HPSE: variants seen among roughly 807,000 people sequenced by gnomAD.
The protein encoded by HPSE is endo-glucoronidase.
In HPSE, 48 loss-of-function variants were observed where a neutral mutation model predicts 65.1. That is an observed-to-expected ratio of 0.74 (90% CI 0.58 to 0.94). The LOEUF is 0.94. Ranked by LOEUF, HPSE falls within the 40% of genes least tolerant of loss-of-function variation. The pLI is 0.00. For synonymous variants in HPSE, 243 were observed against 260.0 expected (o/e 0.93, Z 0.63); for missense variants, 644 against 637.5 (o/e 1.01, Z -0.11).
intron 9 of HPSE, among the ~76,000 whole-genome samples, chr4:83,303,223 A>G (rs998452931): frequency 2.6e-5 from 4 of 152,224 alleles, no homozygotes; most frequent in Non-Finnish European, 4.4e-5. Flanking sequence ...GGGACAGAGG[A>G]ACATGCTAAA....
rs541629052 is a variant in HPSE, at chr4:83,294,027, T to G, written c.*1317A>C. On this transcript the variant is annotated 3_prime_UTR_variant, in exon 12 of 12. Coordinates refer to ENST00000311412, the MANE Select transcript of HPSE (RefSeq NM_001098540.3). ...TTAAAACTCATAATATATCCTTCGC[T>G]TCCTTGCTTCCTGACCATATTAGGA... 2 of 152,320 alleles carry G rather than the reference T, an allele frequency of 1.3e-5. No individual in the cohort carries two copies. Among genetic ancestry groups the G allele is most frequent in the East Asian group, 3.9e-4 (2 of 5,184 alleles). 9.4% of individuals were successfully genotyped at this position (152,320 alleles called of 1,614,324 possible).
At chr4:83,300,371 A>C (rs1735892952) in intron 11 of HPSE, among the ~76,000 whole-genome samples, 1 of 152,228 alleles carries the variant, frequency 6.6e-6, no homozygotes, top group Admixed American at 6.5e-5. Flanking sequence ...GTTACCAAGA[A>C]TTATGTCTTT....
chr4:83,322,944 G>A (rs984184343), intron 1 of HPSE, among the ~76,000 whole-genome samples: 6 of 151,696 alleles, frequency 4.0e-5, no homozygotes, highest in African/African-American at 1.5e-4. Context: ...GAGATTACAG[G>A]CATGAGCCAC....
At chr4:83,305,854 C>A (rs879292118) in intron 9 of HPSE, among the ~76,000 whole-genome samples, 1 of 152,060 alleles carries the variant, frequency 6.6e-6, no homozygotes, top group Non-Finnish European at 1.5e-5. Flanking sequence ...TGAAGCTTTG[C>A]GTACTGTAGG....
Position 83,301,090 on chromosome 4 carries a change from C to T in HPSE, c.1342G>A (p.Gly448Arg), listed in dbSNP as rs768876779. ...TNTDNPRYKE[G>R]DLTLYAINLH... ...TTTATGGCATACAGAGTTAAATCTC[C>T]TTCTTTATACCTTGGACTAAAAGCA... Residue 448 changes from glycine (G) to arginine (R), a missense_variant, in exon 11 of 12, where the codon GGA (glycine) becomes AGA (arginine). Coordinates refer to ENST00000311412, the MANE Select transcript of HPSE (RefSeq NM_001098540.3). 3.8e-6 allele frequency: 6 copies of T among 1,590,396 alleles called. No individual in the cohort carries two copies. Among genetic ancestry groups the T allele is most frequent in the Non-Finnish European group, 5.1e-6 (6 of 1,169,118 alleles).
chr4:83,326,400 A>T lies in HPSE; in HGVS notation c.228-4036T>A, dbSNP rs551518959. Among the ~76,000 whole-genome samples the T allele has an allele frequency of 6.6e-6, 1 of 152,212 alleles. No individual in the cohort carries two copies. The highest frequency in any genetic ancestry group is 2.4e-5 in the African/African-American group (1 of 41,550). On this transcript the variant is annotated intron_variant, in intron 1 of 11. Coordinates refer to ENST00000311412, the MANE Select transcript of HPSE (RefSeq NM_001098540.3). The surrounding 1 kb of genome is among the most constrained non-coding windows in gnomAD (Gnocchi z 4.2). ...ATTGGATGTTGAGGAGGAGTCAAGG[A>T]TTACTCCTGGGAAGCTCCTTGGAAG...
At position 83,312,642 on chromosome 4, in the gene HPSE, C is replaced by T. The variant is rs1375055494; in HGVS notation, c.673+472G>A. ...GCAGTGAGCCGAGATGGCGCCACTGCACTCCAGCCTGGGCGACAGAGCGAG... is the reference window on the plus strand; with the variant it reads ...GCAGTGAGCCGAGATGGCGCCACTGTACTCCAGCCTGGGCGACAGAGCGAG... On this transcript the variant is annotated intron_variant, in intron 4 of 11. Transcript: ENST00000311412. Among the ~76,000 whole-genome samples the T allele has an allele frequency of 1.1e-4, 16 of 141,996 alleles. 1 individual carries two copies. The Admixed American group carries it at 1.2e-3, about 10-fold the overall frequency. 93.2% of individuals were successfully genotyped at this position (141,996 alleles called of 152,430 possible). A position where few individuals can be genotyped will look rare whatever the true frequency, so the allele number is the denominator to read the frequency against.
rs1735978573 is a variant in HPSE at position 83,302,239 on chromosome 4, T to A, written c.1236A>T (p.Lys412Asn). Residue 412 changes from lysine to asparagine, a missense_variant, in exon 10 of 12, where the codon AAA becomes AAT. By Grantham distance (94) the Lys-to-Asn change is moderately conservative (BLOSUM62 0). Coordinates refer to ENST00000311412, the MANE Select transcript of HPSE (RefSeq NM_001098540.3). ...CCATTAACACCTTGGTGCCCACCAA[T>A]TTCTTGAACAGAAGAGATAGCCAAT... ...PDYWLSLLFK[K>N]LVGTKVLMAS... The A allele has an allele frequency of 6.2e-7, 1 of 1,613,704 alleles. No individual in the cohort carries two copies. Among genetic ancestry groups the A allele is most frequent in the African/African-American group, 1.3e-5 (1 of 74,928 alleles).
Position 83,309,387 on chromosome 4 carries a change from TA to T in HPSE, c.984+14del. On this transcript the variant is annotated intron_variant, in intron 7 of 11. Transcript: ENST00000311412. The stretch of plus-strand genomic sequence containing the variant: ...GATTCTGGTTTTACATTAAAAAGTT[TA>T]AAAAGACTATTACCTGGAAAACTTT... 7.2e-7 allele frequency: 1 copy of T among 1,382,926 alleles called. No homozygotes were observed. 85.7% of individuals were successfully genotyped at this position (1,382,926 alleles called of 1,614,324 possible). A position where few individuals can be genotyped will look rare whatever the true frequency, so the allele number is the denominator to read the frequency against.
intron 1 of HPSE, among the ~76,000 whole-genome samples, chr4:83,323,307 C>T (rs558895633): frequency 1.3e-5 from 2 of 152,208 alleles, no homozygotes; most frequent in South Asian, 2.1e-4. Flanking sequence ...GTGAACCCTG[C>T]CGTGAACTAT....
At chr4:83,332,743 G>A (rs1182494443) in intron 1 of HPSE, among the ~76,000 whole-genome samples, 2 of 152,236 alleles carry the variant, frequency 1.3e-5, no homozygotes, top group Non-Finnish European at 2.9e-5. Flanking sequence ...ATCAGGCCCA[G>A]ATCCTGGAAG....
At position 83,334,802 on chromosome 4, in the gene HPSE, TC is replaced by T. The variant is rs763870860; in HGVS notation, c.-21del. The stretch of plus-strand genomic sequence containing the variant: ...CAGCATCTTGGGCTCACCTGGCTGC[TC>T]CCCCCGCCAGCTGCCGCGCAGCGGA... On this transcript the variant is annotated 5_prime_UTR_variant, in exon 1 of 12. Coordinates refer to ENST00000311412, the MANE Select transcript of HPSE (RefSeq NM_001098540.3). 1 of 1,492,148 alleles carries T rather than the reference TC, an allele frequency of 6.7e-7. No individual in the cohort carries two copies. Among genetic ancestry groups the T allele is most frequent in the Non-Finnish European group, 8.9e-7 (1 of 1,120,950 alleles). 92.4% of individuals were successfully genotyped at this position (1,492,148 alleles called of 1,614,324 possible).
intron 7 of HPSE, 116 bp from the exon 8 acceptor site, chr4:83,309,067 T>C: frequency 1.4e-6 from 1 of 713,830 alleles, no homozygotes; most frequent in African/African-American, 1.8e-5. Context: ...ACCCCTCCTA[T>C]ATAGTTATAA....
intron 11 of HPSE, among the ~76,000 whole-genome samples, chr4:83,296,590 G>A (rs528199548): frequency 4.3e-4 from 65 of 151,404 alleles, no homozygotes; most frequent in Non-Finnish European, 5.7e-4. Context: ...CATGAGAATC[G>A]TTTGAACCTG....
At chr4:83,307,622 G>A (rs1482418547) in intron 8 of HPSE, among the ~76,000 whole-genome samples, 1 of 152,114 alleles carries the variant, frequency 6.6e-6, no homozygotes, top group Non-Finnish European at 1.5e-5. Context: ...TGTAAAATAA[G>A]CAGAATTGCA....
At chr4:83,332,659 C>T (rs1474235082) in intron 1 of HPSE, among the ~76,000 whole-genome samples, 1 of 152,252 alleles carries the variant, frequency 6.6e-6, no homozygotes. Flanking sequence ...GTATCATCCT[C>T]ACTAAATTGC....
rs757650530 is a variant in HPSE, at chr4:83,310,055, A to C, written c.866T>G (p.Val289Gly). The change falls in exon 6 of 12, where the codon GTG becomes GGG. Residue 289 changes from valine (V) to glycine (G), a missense_variant. Transcript: ENST00000311412. ...CTGATGCCATGTAACTGAATCAATC[A>C]CTTCTCCACCAGCCTTCAGGAAGCT... Reference protein sequence around the residue: ...LKSFLKAGGEVIDSVTWHHYY... With the variant: ...LKSFLKAGGEGIDSVTWHHYY... 6.2e-7 allele frequency: 1 copy of C among 1,611,246 alleles called. No homozygotes were observed. Among genetic ancestry groups the C allele is most frequent in the East Asian group, 2.2e-5 (1 of 44,760 alleles).
At chr4:83,313,062 T>C in intron 4 of HPSE, 52 bp downstream of exon 4, 1 of 1,031,930 alleles carries the variant, frequency 9.7e-7, no homozygotes, top group Non-Finnish European at 1.4e-6. Context: ...AGAAAAGAAA[T>C]AATGCTAGTG....
chr4:83,319,226 G>A, intron 3 of HPSE, 118 bp downstream of exon 3: 1 of 993,062 alleles, frequency 1.0e-6, no homozygotes, highest in Non-Finnish European at 1.5e-6. Flanking sequence ...TTTGGGAAAT[G>A]CTTCAGTATT....
Sources: gnomAD v4.1 joint callset for allele counts (sites outside exome capture counted in the v4.1 genomes callset) on GRCh38, gnomAD v4.1.1 for gene constraint, Gnocchi (gnomAD v3.1) non-coding constraint, MANE v1.5 for transcripts, NCBI Gene and HGNC (gene_info 2026-07-23, HGNC 2026-07-21) for gene names.